Variants in TAPT1 observed in about 807,000 individuals in gnomAD.
TAPT1 encodes the protein transmembrane anterior posterior transformation 1.
In TAPT1, 28 loss-of-function variants were observed where a neutral mutation model predicts 65.6. The ratio of observed to expected loss-of-function variants is 0.43; its 90% confidence interval spans 0.32 to 0.59. The LOEUF is 0.59. Among genes scored for constraint, TAPT1 ranks in the 20% least tolerant of loss-of-function variants. TAPT1 has a pLI of 0.09. For synonymous variants in TAPT1, 278 were observed against 245.2 expected (o/e 1.13, Z -1.25); for missense variants, 563 against 679.9 (o/e 0.83, Z 1.91).
intron 12 of TAPT1, among the ~76,000 whole-genome samples, chr4:16,168,579 G>A (rs926518828): frequency 1.1e-4 from 16 of 152,264 alleles, no homozygotes; most frequent in Admixed American, 9.2e-4. Flanking sequence ...CTTCCTTACT[G>A]AAACACCAGC....
At chr4:16,173,605 T>C (rs1748144244) in intron 11 of TAPT1, among the ~76,000 whole-genome samples, 1 of 152,200 alleles carries the variant, frequency 6.6e-6, no homozygotes, top group Non-Finnish European at 1.5e-5. Flanking sequence ...GCAAAAAGTT[T>C]GGACAATTTT....
intron 7 of TAPT1, 143 bp from the exon 8 acceptor site, chr4:16,179,800 ATATGTGTG>A: frequency 2.5e-6 from 1 of 402,566 alleles, no homozygotes; most frequent in Non-Finnish European, 4.4e-6. Context: ...ATATATATAT[ATATGTGTG>A]TGTGTGTGTG....
intron 3 of TAPT1, 118 bp downstream of exon 3, chr4:16,202,344 G>C (rs921608065): frequency 3.8e-4 from 212 of 556,094 alleles, no homozygotes; most frequent in Non-Finnish European, 3.9e-5. Flanking sequence ...AACAGTTTAT[G>C]CATGAAGGGC....
intron 2 of TAPT1, among the ~76,000 whole-genome samples, chr4:16,205,434 T>C (rs938647141): frequency 3.3e-5 from 5 of 152,144 alleles, no homozygotes; most frequent in African/African-American, 1.2e-4. Flanking sequence ...TCTACTCCTG[T>C]AAAAGCAGAG....
rs1253893421 is a variant in TAPT1 at position 16,162,664 on chromosome 4, C to A, written c.*644G>T. 1.3e-5 allele frequency: 2 copies of A among 154,214 alleles called. No homozygotes were observed. Among genetic ancestry groups the A allele is most frequent in the Admixed American group, 6.4e-5 (1 of 15,552 alleles). The allele number at this position is 154,214 out of a possible 1,614,324, so 9.6% of individuals were successfully genotyped here. A position where few individuals can be genotyped will look rare whatever the true frequency, so the allele number is the denominator to read the frequency against. ...AAGGATTTTTCCCAGTAATGCATAG[C>A]CTTCATTAATTATTTTTTTAATAAA... is the stretch of plus-strand genomic sequence containing the variant. On this transcript the variant is annotated 3_prime_UTR_variant, in exon 14 of 14. Transcript: ENST00000405303.
At chr4:16,200,094 C>A (rs1749945085) in intron 3 of TAPT1, among the ~76,000 whole-genome samples, 1 of 152,130 alleles carries the variant, frequency 6.6e-6, no homozygotes, top group African/African-American at 2.4e-5. Flanking sequence ...CGTGTGCTAA[C>A]CAATGCCCAA....
At chr4:16,212,872 T>C (rs941253576) in intron 2 of TAPT1, among the ~76,000 whole-genome samples, 4 of 152,236 alleles carry the variant, frequency 2.6e-5, no homozygotes, top group Non-Finnish European at 5.9e-5. Context: ...CTTTTTCTTC[T>C]ATTAAACTGA....
intron 2 of TAPT1, among the ~76,000 whole-genome samples, chr4:16,202,843 T>C (rs994620580): frequency 1.3e-5 from 2 of 152,186 alleles, no homozygotes; most frequent in Admixed American, 1.3e-4. Flanking sequence ...TGATGCGGCT[T>C]TCTGAGTACT....
chr4:16,220,554 T>C (rs1560193015), intron 1 of TAPT1, among the ~76,000 whole-genome samples: 1 of 151,962 alleles, frequency 6.6e-6, no homozygotes. Flanking sequence ...ATGGAGACCA[T>C]CCTGGCCAAC....
intron 2 of TAPT1, among the ~76,000 whole-genome samples, chr4:16,205,010 T>A (rs73130449): frequency 0.17 from 26,560 of 152,206 alleles, 2,835 homozygotes; most frequent in East Asian, 0.31. Context: ...CCTGCTCTTA[T>A]CATATTTATT....
intron 3 of TAPT1, among the ~76,000 whole-genome samples, chr4:16,199,963 G>C (rs1360047372): frequency 6.6e-6 from 1 of 152,134 alleles, no homozygotes; most frequent in Non-Finnish European, 1.5e-5. Flanking sequence ...AAATGAACTT[G>C]AGTGCAACAC....
chr4:16,188,651 T>C (rs1175286573), intron 4 of TAPT1, among the ~76,000 whole-genome samples: 2 of 150,208 alleles, frequency 1.3e-5, no homozygotes, highest in African/African-American at 4.9e-5. Flanking sequence ...CCGGGCACGG[T>C]GGCTCATGCC....
At chr4:16,165,203 A>G (rs1310173607) in intron 13 of TAPT1, among the ~76,000 whole-genome samples, 1 of 152,150 alleles carries the variant, frequency 6.6e-6, no homozygotes, top group East Asian at 1.9e-4. Context: ...TGAGGCCTTG[A>G]AGGACATCCT....
At chr4:16,201,697 G>C (rs1750041472) in intron 3 of TAPT1, among the ~76,000 whole-genome samples, 2 of 152,158 alleles carry the variant, frequency 1.3e-5, no homozygotes, top group Non-Finnish European at 2.9e-5. Context: ...TTTTGGTAGA[G>C]AAGAAAAAGA....
At chr4:16,177,230 A>C (rs1578421640) in intron 8 of TAPT1, among the ~76,000 whole-genome samples, 1 of 152,248 alleles carries the variant, frequency 6.6e-6, no homozygotes, top group African/African-American at 2.4e-5. Flanking sequence ...TGAATACATT[A>C]AATTATCACT....
At chr4:16,196,277 GA>G (rs1213492893) in intron 3 of TAPT1, among the ~76,000 whole-genome samples, 1 of 151,934 alleles carries the variant, frequency 6.6e-6, no homozygotes, top group African/African-American at 2.4e-5. Context: ...AAACTATACT[GA>G]AAAAAATAAC....
intron 13 of TAPT1, among the ~76,000 whole-genome samples, chr4:16,166,024 C>T (rs529862704): frequency 2.6e-4 from 40 of 152,278 alleles, no homozygotes; most frequent in Non-Finnish European, 5.4e-4. Context: ...CTCCATGGTC[C>T]CCAAGACCCC....
At chr4:16,171,804 G>C (rs1748009721) in intron 11 of TAPT1, among the ~76,000 whole-genome samples, 4 of 152,056 alleles carry the variant, frequency 2.6e-5, no homozygotes, top group African/African-American at 9.7e-5. Context: ...CACATTTAAG[G>C]CTTAAATAAC....
chr4:16,164,429 T>C (rs2149661721), intron 13 of TAPT1, among the ~76,000 whole-genome samples: 1 of 152,310 alleles, frequency 6.6e-6, no homozygotes, highest in Admixed American at 6.5e-5. Context: ...GTCTGTGTTC[T>C]CCTGACCTCC....
Sources: gnomAD v4.1 joint callset for allele counts (sites outside exome capture counted in the v4.1 genomes callset) on GRCh38, gnomAD v4.1.1 for gene constraint, MANE v1.5 for transcripts, NCBI Gene and HGNC (gene_info 2026-07-23, HGNC 2026-07-21) for gene names.